Variants in CACNA1B observed in about 807,000 individuals in gnomAD.
CACNA1B encodes voltage-dependent N-type calcium channel subunit alpha-1B.
CACNA1B carries 70 observed loss-of-function variants against 247.2 expected under a neutral mutation model. The ratio of observed to expected loss-of-function variants is 0.28; its 90% confidence interval spans 0.23 to 0.35. CACNA1B has a LOEUF of 0.35. Ranked by LOEUF, CACNA1B falls within the 10% of genes least tolerant of loss-of-function variation. The pLI is 1.00. For missense variants in CACNA1B, 2,367 were observed against 3,197.4 expected (o/e 0.74, Z 6.26); for synonymous variants, 1,231 against 1,294.4 (o/e 0.95, Z 1.05).
Position 137,899,634 on chromosome 9 carries a change from C to T in CACNA1B, c.531-13546C>T, listed in dbSNP as rs1588991268. Among the ~76,000 whole-genome samples the T allele has an allele frequency of 6.6e-6, 1 of 152,290 alleles. No homozygotes were observed. The highest frequency in any genetic ancestry group is 1.5e-5 in the Non-Finnish European group (1 of 68,028). ...CGAGGGGATGCTGTGGCGTCTTTGG[C>T]CGAGAACTGCCGGCTCTCTCCATGG... is the stretch of plus-strand genomic sequence containing the variant. On this transcript the variant is annotated intron_variant, in intron 3 of 46. Transcript: ENST00000371372. The surrounding 1 kb of genome is among the most constrained non-coding windows in gnomAD (Gnocchi z 5.0).
chr9:138,112,637 G>C (rs1309626293), intron 40 of CACNA1B, 132 bp downstream of exon 40: 1 of 653,090 alleles, frequency 1.5e-6, no homozygotes, highest in Non-Finnish European at 2.8e-6. Flanking sequence ...ACCTCCTCAT[G>C]AATCTGCCCT....
intron 15 of CACNA1B, among the ~76,000 whole-genome samples, chr9:137,988,851 G>C (rs1246702514): frequency 6.6e-6 from 1 of 152,208 alleles, no homozygotes; most frequent in Non-Finnish European, 1.5e-5. Context: ...GACCAGGAAG[G>C]CTGCAGGGCA....
chr9:138,059,154 G>A lies in CACNA1B; in HGVS notation c.4549G>A (p.Glu1517Lys), dbSNP rs1228500993. Residue 1517 changes from glutamate to lysine, a missense_variant, in exon 30 of 47, where the codon GAA becomes AAA. Around this residue, in one of 12 missense-constraint regions of CACNA1B, gnomAD observed 436 missense variants for 679.5 expected, o/e 0.64. Coordinates refer to ENST00000371372, the MANE Select transcript of CACNA1B (RefSeq NM_000718.4). The surrounding 1 kb of genome is among the most constrained non-coding windows in gnomAD (Gnocchi z 4.2). ...CGTGTTCACATCCATGTTCTCCATG[G>A]AATGCGTGCTGAAGATCATCGCCTT... The part of the protein sequence containing the change: ...NIVFTSMFSM[E>K]CVLKIIAFGV... 6.2e-7 allele frequency: 1 copy of A among 1,612,392 alleles called. No homozygotes were observed. The highest frequency in any genetic ancestry group is 8.5e-7 in the Non-Finnish European group (1 of 1,178,556).
Position 138,059,030 on chromosome 9 carries a change from G to A in CACNA1B, c.4474-49G>A. On this transcript the variant is annotated intron_variant, in intron 29 of 46. Coordinates refer to ENST00000371372, the MANE Select transcript of CACNA1B (RefSeq NM_000718.4). This position sits in a 1 kb window ranked among gnomAD's most constrained non-coding sequence, Gnocchi z 4.2. Reference sequence around the variant, plus strand: ...TGGTCATAGTGGTCCCAGATGGGGTGTCTTGGGGCTGCCAAACCCATGGCC... The same window carrying A: ...TGGTCATAGTGGTCCCAGATGGGGTATCTTGGGGCTGCCAAACCCATGGCC... The A allele has an allele frequency of 8.8e-7, 1 of 1,142,136 alleles. No homozygotes were observed. The highest frequency in any genetic ancestry group is 1.3e-5 in the South Asian group (1 of 78,242). 70.8% of individuals were successfully genotyped at this position (1,142,136 alleles called of 1,614,324 possible).
chr9:138,053,419 G>T (rs1185254250), intron 25 of CACNA1B, among the ~76,000 whole-genome samples: 1 of 152,170 alleles, frequency 6.6e-6, no homozygotes, highest in African/African-American at 2.4e-5. Context: ...GGGGCCTGAG[G>T]GCCTTGCAGG....
At chr9:138,022,893 G>A (rs1011307407) in intron 18 of CACNA1B, 118 bp from the exon 19 acceptor site, 3 of 1,307,562 alleles carry the variant, frequency 2.3e-6, no homozygotes, top group Middle Eastern at 2.8e-4. Context: ...GGGCTCCCGC[G>A]GCCACGCCTC....
At position 137,913,374 on chromosome 9, in the gene CACNA1B, T is replaced by C. The variant is rs1007227825; in HGVS notation, c.622+103T>C. The C allele has an allele frequency of 1.1e-6, 1 of 875,144 alleles. No homozygotes were observed. Among genetic ancestry groups the C allele is most frequent in the Non-Finnish European group, 1.8e-6 (1 of 558,638 alleles). The allele number at this position is 875,144 out of a possible 1,614,324, so 54.2% of individuals were successfully genotyped here. A position where few individuals can be genotyped will look rare whatever the true frequency, so the allele number is the denominator to read the frequency against. On this transcript the variant is annotated intron_variant, in intron 4 of 46. Transcript: ENST00000371372. This position sits in a 1 kb window ranked among gnomAD's most constrained non-coding sequence, Gnocchi z 5.2. Reference sequence around the variant, plus strand: ...GGCCATGGTTTGGCTTTGGTGACTCTGAGCTTGCCACTTTTGACCCCAGGG... The same window carrying C: ...GGCCATGGTTTGGCTTTGGTGACTCCGAGCTTGCCACTTTTGACCCCAGGG...
rs201556124 is a variant in CACNA1B at position 137,882,780 on chromosome 9, T to G, written c.427T>G (p.Phe143Val). 1 of 1,613,966 alleles carries G rather than the reference T, an allele frequency of 6.2e-7. No homozygotes were observed. Among genetic ancestry groups the G allele is most frequent in the Non-Finnish European group, 8.5e-7 (1 of 1,179,852 alleles). ...GCCCTATTTCATCGGGATCTTTTGC[T>G]TCGAGGCAGGGATCAAAATCATCGC... ...TEPYFIGIFC[F>V]EAGIKIIALG... is the part of the protein sequence containing the mutation. Residue 143 changes from phenylalanine (F) to valine (V), a missense_variant, in exon 3 of 47, where the codon TTC becomes GTC. By Grantham distance (50) the Phe-to-Val change is conservative (BLOSUM62 -1). Coordinates refer to ENST00000371372, the MANE Select transcript of CACNA1B (RefSeq NM_000718.4). The surrounding 1 kb of genome is among the most constrained non-coding windows in gnomAD (Gnocchi z 4.0).
At chr9:138,118,508 G>T in intron 43 of CACNA1B, 144 bp from the exon 44 acceptor site, 2 of 578,228 alleles carry the variant, frequency 3.5e-6, no homozygotes, top group South Asian at 4.2e-5. Context: ...CTGGGGTGGG[G>T]GACGTGTGAA....
chr9:138,036,171 G>A lies in CACNA1B; in HGVS notation c.3287-7603G>A, dbSNP rs972764346. Among the ~76,000 whole-genome samples, 7 of 150,658 alleles carry A rather than the reference G, an allele frequency of 4.6e-5. 1 individual carries two copies. The South Asian group carries it at 1.3e-3, about 27-fold the overall frequency. On this transcript the variant is annotated intron_variant, in intron 20 of 46. Coordinates refer to ENST00000371372, the MANE Select transcript of CACNA1B (RefSeq NM_000718.4). ...TTTTTTGTTTTTGAGACGGAGTCTC[G>A]CTCTGTCGCCCAGGCTGGAGTGCAG... is the stretch of plus-strand genomic sequence containing the variant.
intron 3 of CACNA1B, among the ~76,000 whole-genome samples, chr9:137,903,180 G>A (rs544411782): frequency 2.6e-5 from 4 of 152,068 alleles, no homozygotes; most frequent in Admixed American, 1.3e-4. Context: ...TCAAGAGATC[G>A]AGACCATTAT....
Position 137,986,275 on chromosome 9 carries a change from G to A in CACNA1B, c.1770-138G>A. 1.1e-6 allele frequency: 1 copy of A among 934,478 alleles called. No individual in the cohort carries two copies. Among genetic ancestry groups the A allele is most frequent in the Non-Finnish European group, 1.6e-6 (1 of 632,022 alleles). 57.9% of individuals were successfully genotyped at this position (934,478 alleles called of 1,614,324 possible). On this transcript the variant is annotated intron_variant, in intron 13 of 46. Coordinates refer to ENST00000371372, the MANE Select transcript of CACNA1B (RefSeq NM_000718.4). This position sits in a 1 kb window ranked among gnomAD's most constrained non-coding sequence, Gnocchi z 6.0. ...AGGGTAGTGGGCCTGAAACTCCAGAGAAAAGCTCTAACTTCACACCTAGGT... is the reference window on the plus strand; with the variant it reads ...AGGGTAGTGGGCCTGAAACTCCAGAAAAAAGCTCTAACTTCACACCTAGGT...
At chr9:138,097,103 G>T in intron 37 of CACNA1B, among the ~76,000 whole-genome samples, 1 of 151,906 alleles carries the variant, frequency 6.6e-6, no homozygotes, top group East Asian at 1.9e-4. Context: ...TTCTTTTGGG[G>T]ACAGGGGCCA....
chr9:138,118,805 C>T (rs1032177816), intron 44 of CACNA1B, 37 bp downstream of exon 44: 3 of 929,388 alleles, frequency 3.2e-6, no homozygotes, highest in Non-Finnish European at 4.9e-6. Context: ...CTGGGCTGGG[C>T]AAGTGGGGGG....
Position 138,094,442 on chromosome 9 carries a change from T to TAA in CACNA1B, c.5095-2026_5095-2025dup, listed in dbSNP as rs753995157. On this transcript the variant is annotated intron_variant, in intron 36 of 46. Transcript: ENST00000371372. The stretch of plus-strand genomic sequence containing the variant: ...TTTTTGTTATGTATCTTTACTACAG[T>TAA]AAAAAAAAAAAAAAAAAGAAGAAGA... Among the ~76,000 whole-genome samples the TAA allele has an allele frequency of 1.6e-3, 151 of 93,728 alleles. 1 individual carries two copies. Among genetic ancestry groups the TAA allele is most frequent in the African/African-American group, 3.1e-3 (88 of 28,112 alleles). 61.5% of individuals were successfully genotyped at this position (93,728 alleles called of 152,430 possible).
At chr9:137,932,975 T>C (rs560720162) in intron 6 of CACNA1B, among the ~76,000 whole-genome samples, 4 of 152,160 alleles carry the variant, frequency 2.6e-5, no homozygotes, top group Admixed American at 1.3e-4. Flanking sequence ...CTCTGTCGCC[T>C]AGGCTGGAGT....
In CACNA1B at chr9:137,919,755, G is replaced by A. The variant is rs550759317; in HGVS notation, c.966+2324G>A. 4.6e-5 allele frequency among the ~76,000 whole-genome samples: 7 copies of A among 152,360 alleles called. No homozygotes were observed. In the South Asian group the frequency reaches 1.4e-3, roughly 32 times the overall value. On this transcript the variant is annotated intron_variant, in intron 6 of 46. Transcript: ENST00000371372. The surrounding 1 kb of genome is among the most constrained non-coding windows in gnomAD (Gnocchi z 4.6). Reference sequence around the variant, plus strand: ...CTCAGTCCGTGTTGGGAGCAGGAGTGGGGGTGTGAGCAACAGCGGGCAGCC... The same window carrying A: ...CTCAGTCCGTGTTGGGAGCAGGAGTAGGGGTGTGAGCAACAGCGGGCAGCC...
intron 36 of CACNA1B, among the ~76,000 whole-genome samples, chr9:138,079,601 G>A (rs1960447047): frequency 6.6e-6 from 1 of 152,058 alleles, no homozygotes; most frequent in Non-Finnish European, 1.5e-5. Flanking sequence ...AAATTAGCTA[G>A]ACGTGGTGGC....
chr9:138,123,417 G>C lies in CACNA1B; in HGVS notation c.*1418G>C, dbSNP rs1263259433. ...GGACACTGTCCAAGGTGCACAAGAT[G>C]CTGGGAGGTCCCTTGTTTGGTGAAG... On this transcript the variant is annotated 3_prime_UTR_variant, in exon 47 of 47. Transcript: ENST00000371372. 1.3e-5 allele frequency: 2 copies of C among 152,394 alleles called. No individual in the cohort carries two copies. The highest frequency in any genetic ancestry group is 4.8e-5 in the African/African-American group (2 of 41,480). The allele number at this position is 152,394 out of a possible 1,614,324, so 9.4% of individuals were successfully genotyped here.
Sources: gnomAD v4.1 joint callset for allele counts (sites outside exome capture counted in the v4.1 genomes callset) on GRCh38, gnomAD v4.1.1 for gene constraint, gnomAD v4.1.1 regional missense constraint, Gnocchi (gnomAD v3.1) non-coding constraint, MANE v1.5 for transcripts, NCBI Gene and HGNC (gene_info 2026-07-23, HGNC 2026-07-21) for gene names.